The following DNPEP variants were observed in gnomAD, a reference collection of about 807,000 sequenced individuals.
DNPEP encodes the protein aspartyl aminopeptidase.
A neutral mutation model predicts 59.1 loss-of-function variants in DNPEP; 46 were observed. The observed-to-expected ratio is 0.78, with a 90% confidence interval of 0.61 to 0.99. The LOEUF (loss-of-function observed/expected upper bound fraction) is 0.99, where lower values mean the gene tolerates loss of function less well. Among genes scored for constraint, DNPEP ranks in the 50% least tolerant of loss-of-function variants. The pLI is 0.00. For synonymous variants in DNPEP, 229 were observed against 242.2 expected (o/e 0.95, Z 0.50); for missense variants, 617 against 649.9 (o/e 0.95, Z 0.55).
chr2:219,376,063 A>C (rs2125125385), intron 13 of DNPEP, among the ~76,000 whole-genome samples: 1 of 152,302 alleles, frequency 6.6e-6, no homozygotes, highest in South Asian at 2.1e-4. Context: ...GGAGACTTCC[A>C]AGAGTCAAAG....
At chr2:219,388,455 C>T, upstream of DNPEP, 1 of 152,354 alleles carries the variant, frequency 6.6e-6, no homozygotes, top group Non-Finnish European at 1.4e-5. Flanking sequence ...CGCTAGGCTG[C>T]ACCGCCCGCC....
At chr2:219,388,859 A>G, upstream of DNPEP, 1 of 985,474 alleles carries the variant, frequency 1.0e-6, no homozygotes, top group Non-Finnish European at 1.2e-6. Context: ...CAACTGCCCC[A>G]TCAACTATGT....
intron 11 of DNPEP, 79 bp from the exon 12 acceptor site, chr2:219,381,663 T>C (rs1953608684): frequency 9.0e-6 from 13 of 1,448,936 alleles, no homozygotes; most frequent in Admixed American, 6.7e-5. Context: ...ATGGCAGACA[T>C]CACTAATAGA....
chr2:219,390,779 G>C (rs946595910), upstream of DNPEP, among the ~76,000 whole-genome samples: 2 of 152,106 alleles, frequency 1.3e-5, no homozygotes, highest in Non-Finnish European at 2.9e-5. Context: ...GCAGTGAGCC[G>C]AGATCGTGCC....
At position 219,374,917 on chromosome 2, in the gene DNPEP, T is replaced by C; in HGVS notation, c.1345A>G (p.Met449Val). ...CAGGCCATCTCCCGGATAGAGTGCA[T>C]GGCCAGTTGGGGGCTGCCTAAATCC... Reference protein sequence around the residue: ...VLDLGSPQLAMHSIREMACTT... With the variant: ...VLDLGSPQLAVHSIREMACTT... The change falls in exon 14 of 15, where the codon ATG becomes GTG. Residue 449 changes from methionine (M) to valine (V), a missense_variant. By Grantham distance (21) the Met-to-Val change is conservative. Transcript: ENST00000273075. 3 of 1,614,152 alleles carry C rather than the reference T, an allele frequency of 1.9e-6. No individual in the cohort carries two copies. Among genetic ancestry groups the C allele is most frequent in the Non-Finnish European group, 2.5e-6 (3 of 1,180,010 alleles).
intron 13 of DNPEP, among the ~76,000 whole-genome samples, chr2:219,378,834 G>A (rs1364186710): frequency 1.4e-5 from 2 of 147,942 alleles, no homozygotes; most frequent in African/African-American, 5.0e-5. Flanking sequence ...AGCATAACAC[G>A]TGCAATTATG....
chr2:219,381,736 G>A, intron 11 of DNPEP, 152 bp from the exon 12 acceptor site: 1 of 965,706 alleles, frequency 1.0e-6, no homozygotes. Context: ...AGGGTTCCGG[G>A]CAGCCTCTAG....
At chr2:219,375,323 C>T (rs1186759294) in intron 13 of DNPEP, among the ~76,000 whole-genome samples, 2 of 152,096 alleles carry the variant, frequency 1.3e-5, no homozygotes, top group African/African-American at 4.8e-5. Context: ...AGAAAAAAAT[C>T]ACTCAGTGGT....
In DNPEP at chr2:219,386,070, T is replaced by TGCTCCAGCC. The variant is rs1953813964; in HGVS notation, c.487_488insGGCTGGAGC (p.Gln162_Gln163insArgLeuGlu). ...AATGGGCCGCTCCACGTGCACCAGC[T>TGCTCCAGCC]GCTGCTCCAGCCGACCTGAGGTAGG... On this transcript the variant is annotated inframe_insertion, in exon 6 of 15. Transcript: ENST00000273075. The TGCTCCAGCC allele has an allele frequency of 1.9e-6, 3 of 1,614,004 alleles. No individual in the cohort carries two copies. The Admixed American group carries it at 5.0e-5, about 27-fold the overall frequency.
At position 219,385,380 on chromosome 2, in the gene DNPEP, T is replaced by C. The variant is rs779316947; in HGVS notation, c.774+44A>G. 9.9e-6 allele frequency: 14 copies of C among 1,414,168 alleles called. No homozygotes were observed. The South Asian group carries it at 1.5e-4, about 15-fold the overall frequency. 87.6% of individuals were successfully genotyped at this position (1,414,168 alleles called of 1,614,324 possible). Reference sequence around the variant, plus strand: ...CAGGACGGGCTAGGGGTGGCCAGGATCCTGGAGGCCCTTCACCCACAGGTT... The same window carrying C: ...CAGGACGGGCTAGGGGTGGCCAGGACCCTGGAGGCCCTTCACCCACAGGTT... On this transcript the variant is annotated intron_variant, in intron 8 of 14. Coordinates refer to ENST00000273075, the MANE Select transcript of DNPEP (RefSeq NM_012100.4).
intron 8 of DNPEP, chr2:219,385,152 A>C: frequency 2.5e-6 from 1 of 402,638 alleles, no homozygotes; most frequent in Non-Finnish European, 4.6e-6. Context: ...GTGTGGGTCA[A>C]AGCAGACAGG....
chr2:219,399,998 C>T (rs1329277741), exon 1 of DNPEP: 1 of 1,237,132 alleles, frequency 8.1e-7, no homozygotes, highest in Admixed American at 2.0e-5. Context: ...CCGGATCCTT[C>T]CCCTGCCTTG....
chr2:219,381,948 G>A, intron 11 of DNPEP, 31 bp downstream of exon 11: 2 of 1,611,980 alleles, frequency 1.2e-6, no homozygotes, highest in Non-Finnish European at 1.7e-6. Context: ...CCAGCTATGT[G>A]AAGACTGTGT....
chr2:219,390,513 G>A (rs1953999443), upstream of DNPEP, among the ~76,000 whole-genome samples: 1 of 152,168 alleles, frequency 6.6e-6, no homozygotes, highest in African/African-American at 2.4e-5. Context: ...TTCTAGTCAT[G>A]AACATATGAG....
rs191999476 is a variant in DNPEP at position 219,384,635 on chromosome 2, C to A, written c.775-192G>T. 25 of 470,578 alleles carry A rather than the reference C, an allele frequency of 5.3e-5. No homozygotes were observed. The East Asian group carries it at 9.4e-4, about 18-fold the overall frequency. 29.2% of individuals were successfully genotyped at this position (470,578 alleles called of 1,614,324 possible). A position where few individuals can be genotyped will look rare whatever the true frequency, so the allele number is the denominator to read the frequency against. On this transcript the variant is annotated intron_variant, in intron 8 of 14. Coordinates refer to ENST00000273075, the MANE Select transcript of DNPEP (RefSeq NM_012100.4). ...CCAGTCTGAAGTGCAATGGCTCGAT[C>A]TCGGCTCACTGCAACTTCCGCCTCC...
chr2:219,397,790 A>G (rs1213907549), intron 1 of DNPEP, among the ~76,000 whole-genome samples: 1 of 152,160 alleles, frequency 6.6e-6, no homozygotes, highest in East Asian at 1.9e-4. Flanking sequence ...AGGTTTTGCC[A>G]TGTTGGCCAG....
upstream of DNPEP, among the ~76,000 whole-genome samples, chr2:219,391,216 G>A (rs1392879360): frequency 2.0e-5 from 3 of 152,156 alleles, no homozygotes; most frequent in African/African-American, 7.2e-5. Flanking sequence ...CTATTCATAA[G>A]TCCCTATGAA....
upstream of DNPEP, among the ~76,000 whole-genome samples, chr2:219,390,561 A>T (rs1954000295): frequency 6.6e-6 from 1 of 152,268 alleles, no homozygotes; most frequent in South Asian, 2.1e-4. Flanking sequence ...ATGCAAGTTA[A>T]AAATGAGATA....
In DNPEP at chr2:219,374,929, G is replaced by A; in HGVS notation, c.1333C>T (p.Pro445Ser). 2 of 1,614,136 alleles carry A rather than the reference G, an allele frequency of 1.2e-6. No homozygotes were observed. The highest frequency in any genetic ancestry group is 1.7e-6 in the Non-Finnish European group (2 of 1,180,026). The change falls in exon 14 of 15, where the codon CCC (proline) becomes TCC (serine). Residue 445 changes from proline (P) to serine (S), a missense_variant. Pro to Ser is a moderately conservative substitution (Grantham distance 74). Transcript: ENST00000273075. ...LGLRVLDLGS[P>S]QLAMHSIREM... ...CGGATAGAGTGCATGGCCAGTTGGG[G>A]GCTGCCTAAATCCAGCACCCGCAGC...
Sources: allele counts gnomAD v4.1 joint callset (sites outside exome capture counted in the v4.1 genomes callset), GRCh38; gene constraint gnomAD v4.1.1; transcripts MANE v1.5; gene names NCBI Gene and HGNC (gene_info 2026-07-23, HGNC 2026-07-21).